KCNQ5: variants seen among roughly 807,000 people sequenced by gnomAD.
KCNQ5 encodes the protein potassium voltage-gated channel subfamily Q member 5.
A neutral mutation model predicts 98.2 loss-of-function variants in KCNQ5; 30 were observed. That is an observed-to-expected ratio of 0.31 (90% CI 0.23 to 0.41). The LOEUF (loss-of-function observed/expected upper bound fraction) is 0.41, where lower values mean the gene tolerates loss of function less well. KCNQ5 is among the 10% of genes least tolerant of loss of function. The probability of loss-of-function intolerance (pLI) is 1.00; values close to 1 mark genes in which losing one functional copy is unlikely to be tolerated. For synonymous variants in KCNQ5, 458 were observed against 449.4 expected (o/e 1.02, Z -0.24); for missense variants, 835 against 1,182.5 (o/e 0.71, Z 4.31).
At chr6:72,828,758 A>G (rs1206047017) in intron 1 of KCNQ5, among the ~76,000 whole-genome samples, 2 of 151,932 alleles carry the variant, frequency 1.3e-5, no homozygotes, top group Non-Finnish European at 1.5e-5. Context: ...TATAATGTGG[A>G]TGCCTCTTTA....
chr6:72,987,404 G>A, intron 1 of KCNQ5: 1 of 708,110 alleles, frequency 1.4e-6, no homozygotes, highest in Non-Finnish European at 2.7e-6. Flanking sequence ...GTGAAACCAG[G>A]AAGTGGACGG....
At chr6:73,090,261 G>GT (rs1370402663) in intron 5 of KCNQ5, among the ~76,000 whole-genome samples, 1 of 151,708 alleles carries the variant, frequency 6.6e-6, no homozygotes, top group African/African-American at 2.4e-5. Context: ...GGGATTGTTT[G>GT]TTTTTTTCAT....
intron 2 of KCNQ5, among the ~76,000 whole-genome samples, chr6:73,008,339 T>A (rs1431807799): frequency 6.6e-6 from 1 of 152,126 alleles, no homozygotes; most frequent in East Asian, 1.9e-4. Context: ...AAATACATCA[T>A]TCAACTGTGT....
chr6:72,983,700 CAG>C (rs1768590873), intron 1 of KCNQ5, among the ~76,000 whole-genome samples: 1 of 152,148 alleles, frequency 6.6e-6, no homozygotes, highest in South Asian at 2.1e-4. Flanking sequence ...ATTCTCTGTC[CAG>C]TTTTGTTCCA....
intron 1 of KCNQ5, among the ~76,000 whole-genome samples, chr6:72,894,663 T>C (rs1370983129): frequency 6.6e-6 from 1 of 152,186 alleles, no homozygotes; most frequent in Non-Finnish European, 1.5e-5. Context: ...CTCTGCCTGA[T>C]TAACTGAAAA....
intron 1 of KCNQ5, among the ~76,000 whole-genome samples, chr6:72,729,433 G>T (rs550223328): frequency 6.6e-6 from 1 of 152,110 alleles, no homozygotes; most frequent in Non-Finnish European, 1.5e-5. Flanking sequence ...GACTACAGGC[G>T]TGTGCCACCA....
At chr6:72,739,219 A>C (rs73753888) in intron 1 of KCNQ5, among the ~76,000 whole-genome samples, 16,753 of 152,194 alleles carry the variant, frequency 0.11, 1,018 homozygotes, top group South Asian at 0.2. Flanking sequence ...CTTGAAAATG[A>C]AGTTTATTTT....
intron 1 of KCNQ5, among the ~76,000 whole-genome samples, chr6:72,871,923 T>C (rs78505504): frequency 0.022 from 3,399 of 152,242 alleles, 80 homozygotes; most frequent in South Asian, 0.073. Flanking sequence ...CTGGGAGAAA[T>C]GGAGAAAATT....
intron 1 of KCNQ5, among the ~76,000 whole-genome samples, chr6:72,700,081 TA>T (rs1768716187): frequency 6.6e-6 from 1 of 152,152 alleles, no homozygotes; most frequent in African/African-American, 2.4e-5. Context: ...TGTAAAATAT[TA>T]AAATCAGCTG....
intron 1 of KCNQ5, among the ~76,000 whole-genome samples, chr6:72,997,581 C>T (rs1371711671): frequency 6.6e-6 from 1 of 150,778 alleles, no homozygotes; most frequent in African/African-American, 2.4e-5. Flanking sequence ...CGAGACCATC[C>T]TGGCTAAAGT....
chr6:72,865,717 C>A (rs1243327410), intron 1 of KCNQ5, among the ~76,000 whole-genome samples: 1 of 152,164 alleles, frequency 6.6e-6, no homozygotes. Context: ...TACTTTACAA[C>A]TGACAACTGA....
At chr6:72,629,915 TG>T (rs879267390) in intron 1 of KCNQ5, among the ~76,000 whole-genome samples, 87 of 152,220 alleles carry the variant, frequency 5.7e-4, no homozygotes, top group Non-Finnish European at 1.1e-3. Flanking sequence ...GAGTTTCAGG[TG>T]ATCTTTTAAT....
At chr6:73,019,440 G>T (rs1346269913) in intron 2 of KCNQ5, among the ~76,000 whole-genome samples, 1 of 152,114 alleles carries the variant, frequency 6.6e-6, no homozygotes, top group Non-Finnish European at 1.5e-5. Flanking sequence ...CTATTCAAAA[G>T]CACACTATAT....
chr6:73,115,293 A>G (rs1032875225), intron 7 of KCNQ5, among the ~76,000 whole-genome samples: 2 of 152,202 alleles, frequency 1.3e-5, no homozygotes, highest in South Asian at 2.1e-4. Flanking sequence ...AGAAACATGA[A>G]GTGTCCATCC....
At chr6:72,637,543 A>T (rs1425515589) in intron 1 of KCNQ5, among the ~76,000 whole-genome samples, 1 of 152,154 alleles carries the variant, frequency 6.6e-6, no homozygotes, top group Non-Finnish European at 1.5e-5. Flanking sequence ...AAGGTCAAAA[A>T]GTGTTAGAAA....
At chr6:72,917,492 A>AGAT (rs1251483761) in intron 1 of KCNQ5, among the ~76,000 whole-genome samples, 1 of 134,724 alleles carries the variant, frequency 7.4e-6, no homozygotes, top group African/African-American at 3.0e-5. Context: ...TTATTTTTTG[A>AGAT]GATGGAGTCT....
chr6:72,847,218 T>G (rs1777058435), intron 1 of KCNQ5, among the ~76,000 whole-genome samples: 1 of 152,122 alleles, frequency 6.6e-6, no homozygotes, highest in Non-Finnish European at 1.5e-5. Context: ...CAGGCTGGAG[T>G]GTAATGGCAC....
rs1031814509 is a variant in KCNQ5, at chr6:73,041,930, T to C, written c.490-6T>C. ...TCTCTCTGATATGTCTTATCTGATATTTTAGGAGTTCGTGATGATTGTCGT... is the reference window on the plus strand; with the variant it reads ...TCTCTCTGATATGTCTTATCTGATACTTTAGGAGTTCGTGATGATTGTCGT... On this transcript the variant is annotated splice_region_variant and splice_polypyrimidine_tract_variant and intron_variant, in intron 2 of 13. Transcript: ENST00000370398. 6.2e-7 allele frequency: 1 copy of C among 1,613,764 alleles called. No homozygotes were observed. The highest frequency in any genetic ancestry group is 2.2e-5 in the East Asian group (1 of 44,876).
At chr6:73,007,015 CA>C (rs1309043313) in intron 2 of KCNQ5, among the ~76,000 whole-genome samples, 4 of 152,188 alleles carry the variant, frequency 2.6e-5, no homozygotes, top group African/African-American at 9.6e-5. Flanking sequence ...AGGTGCAGGC[CA>C]TCCCTTTAGA....
Sources: allele counts gnomAD v4.1 joint callset (sites outside exome capture counted in the v4.1 genomes callset), GRCh38; gene constraint gnomAD v4.1.1; transcripts MANE v1.5; gene names NCBI Gene and HGNC (gene_info 2026-07-23, HGNC 2026-07-21).